Variants in LRRC28 observed in about 807,000 individuals in gnomAD.
The protein encoded by LRRC28 is leucine-rich repeat-containing protein 28.
In LRRC28, 39 loss-of-function variants were observed where a neutral mutation model predicts 45.7. The observed-to-expected ratio is 0.85, with a 90% CI of 0.66 to 1.12. The LOEUF (loss-of-function observed/expected upper bound fraction) is 1.12, where lower values mean the gene tolerates loss of function less well. LRRC28 is among the 50% of genes most tolerant of loss of function. LRRC28 has a pLI of 0.00. For missense variants in LRRC28, 435 were observed against 438.5 expected, an observed-to-expected ratio of 0.99 and a Z score of 0.07; for synonymous variants, 206 against 178.8, an observed-to-expected ratio of 1.15 and a Z score of -1.22.
intron 5 of LRRC28, among the ~76,000 whole-genome samples, chr15:99,314,341 G>C (rs1162769246): frequency 6.6e-6 from 1 of 152,062 alleles, no homozygotes; most frequent in African/African-American, 2.4e-5. Flanking sequence ...GGGAGGCTGA[G>C]GTGGGAGGAT....
At chr15:99,264,056 C>A (rs1433059246) in intron 2 of LRRC28, among the ~76,000 whole-genome samples, 2 of 152,214 alleles carry the variant, frequency 1.3e-5, no homozygotes. Flanking sequence ...AGTTTCTCAG[C>A]AAGGCCAGTT....
At chr15:99,270,450 A>G (rs1376353012) in intron 2 of LRRC28, among the ~76,000 whole-genome samples, 2 of 72,232 alleles carry the variant, frequency 2.8e-5, no homozygotes, top group African/African-American at 5.4e-5. Context: ...CAGCTCCCAC[A>G]CCCAGCCCTG....
At chr15:99,273,614 C>T (rs1322739116) in intron 2 of LRRC28, among the ~76,000 whole-genome samples, 1 of 152,188 alleles carries the variant, frequency 6.6e-6, no homozygotes, top group Non-Finnish European at 1.5e-5. Flanking sequence ...TAAATAAAAA[C>T]ACAATGTATC....
At chr15:99,307,754 A>G (rs946187612) in intron 5 of LRRC28, among the ~76,000 whole-genome samples, 1 of 152,136 alleles carries the variant, frequency 6.6e-6, no homozygotes, top group Non-Finnish European at 1.5e-5. Flanking sequence ...CACTCATCTC[A>G]GTTTTAAAGC....
intron 2 of LRRC28, among the ~76,000 whole-genome samples, chr15:99,274,429 T>A (rs906350944): frequency 1.3e-5 from 2 of 152,212 alleles, no homozygotes; most frequent in Non-Finnish European, 2.9e-5. Flanking sequence ...TTCCTTGCCA[T>A]TCTCTGTAAA....
At chr15:99,355,334 T>C (rs1957015274) in intron 7 of LRRC28, 1 of 152,176 alleles carries the variant, frequency 6.6e-6, no homozygotes, top group South Asian at 2.1e-4. Context: ...ATGTATAGCA[T>C]GGAACTGTGT....
intron 1 of LRRC28, among the ~76,000 whole-genome samples, chr15:99,252,181 T>C (rs2080833390): frequency 6.6e-6 from 1 of 152,236 alleles, no homozygotes; most frequent in Admixed American, 6.5e-5. Flanking sequence ...TAAGAGGTAG[T>C]ATAACTATAC....
At chr15:99,362,829 A>G (rs955328919) in intron 8 of LRRC28, among the ~76,000 whole-genome samples, 1 of 152,172 alleles carries the variant, frequency 6.6e-6, no homozygotes, top group East Asian at 1.9e-4. Context: ...TTCTTAAAAA[A>G]TATTTTATCT....
intron 5 of LRRC28, among the ~76,000 whole-genome samples, chr15:99,321,641 A>C (rs1955800993): frequency 6.6e-6 from 1 of 152,148 alleles, no homozygotes; most frequent in Admixed American, 6.6e-5. Flanking sequence ...TTTGCTAAGC[A>C]ACAAATCTGA....
chr15:99,383,132 A>G, intron 9 of LRRC28, among the ~76,000 whole-genome samples: 1 of 152,076 alleles, frequency 6.6e-6, no homozygotes, highest in East Asian at 1.9e-4. Flanking sequence ...CTCTGTCCCC[A>G]TCATACCTAG....
chr15:99,308,151 T>C (rs910328862), intron 5 of LRRC28, among the ~76,000 whole-genome samples: 1 of 152,210 alleles, frequency 6.6e-6, no homozygotes, highest in African/African-American at 2.4e-5. Context: ...CTCACTCACT[T>C]TCTTTTACCA....
At chr15:99,352,640 T>C (rs982344258) in intron 7 of LRRC28, 169 bp downstream of exon 7, 13 of 530,862 alleles carry the variant, frequency 2.4e-5, no homozygotes, top group Admixed American at 1.1e-4. Flanking sequence ...CAGTAAGTTA[T>C]TATTTTCTAG....
chr15:99,341,995 AT>A (rs1303178378), intron 6 of LRRC28, among the ~76,000 whole-genome samples: 51 of 152,262 alleles, frequency 3.3e-4, no homozygotes, highest in African/African-American at 1.2e-3. Context: ...CAGTGAAGAC[AT>A]TTTGCTCTTC....
At chr15:99,373,132 G>A (rs1475616546) in intron 9 of LRRC28, among the ~76,000 whole-genome samples, 2 of 152,070 alleles carry the variant, frequency 1.3e-5, no homozygotes, top group Non-Finnish European at 2.9e-5. Flanking sequence ...AACCATATGA[G>A]GAGCTTTATT....
intron 5 of LRRC28, among the ~76,000 whole-genome samples, chr15:99,315,796 C>T (rs1480284866): frequency 6.6e-6 from 1 of 152,122 alleles, no homozygotes; most frequent in Non-Finnish European, 1.5e-5. Context: ...AGACATCTGG[C>T]TCACACCTGG....
rs572407380 is a variant in LRRC28, at chr15:99,327,570, T to C, written c.386-6353T>C. Reference sequence around the variant, plus strand: ...GATATTTCATCTTTTGTTCCTAGTTTTCCTAATTCAAGTCAGTTTTCCTTT... The same window carrying C: ...GATATTTCATCTTTTGTTCCTAGTTCTCCTAATTCAAGTCAGTTTTCCTTT... On this transcript the variant is annotated intron_variant, in intron 5 of 9. Transcript: ENST00000301981. 3.9e-5 allele frequency among the ~76,000 whole-genome samples: 6 copies of C among 152,310 alleles called. No homozygotes were observed. In the East Asian group the frequency reaches 1.2e-3, roughly 29 times the overall value.
chr15:99,254,664 C>G (rs982988244), intron 1 of LRRC28, among the ~76,000 whole-genome samples: 1 of 152,158 alleles, frequency 6.6e-6, no homozygotes, highest in African/African-American at 2.4e-5. Context: ...GGTATCAAAC[C>G]CTTGCTTTTA....
At chr15:99,291,673 C>A (rs564353756) in intron 5 of LRRC28, among the ~76,000 whole-genome samples, 1 of 152,120 alleles carries the variant, frequency 6.6e-6, no homozygotes, top group Non-Finnish European at 1.5e-5. Context: ...TAACATTTTA[C>A]CATGTTTCTT....
At chr15:99,259,649 G>A (rs2081134659) in intron 2 of LRRC28, 3 of 1,426,542 alleles carry the variant, frequency 2.1e-6, no homozygotes, top group East Asian at 4.5e-5. Context: ...AAATTACCAT[G>A]CGAGTCGGAA....
Sources: allele counts gnomAD v4.1 joint callset (sites outside exome capture counted in the v4.1 genomes callset), GRCh38; gene constraint gnomAD v4.1.1; transcripts MANE v1.5; gene names NCBI Gene and HGNC (gene_info 2026-07-23, HGNC 2026-07-21).